VCL: variants seen among roughly 807,000 people sequenced by gnomAD.
The protein encoded by VCL is epididymis luminal protein 114.
A neutral mutation model predicts 125.7 loss-of-function variants in VCL; 47 were observed. The ratio of observed to expected loss-of-function variants is 0.37; its 90% confidence interval spans 0.30 to 0.48. VCL has a LOEUF of 0.48. VCL is among the 20% of genes least tolerant of loss of function. The pLI is 0.99. For missense variants in VCL, 1,069 were observed against 1,455.5 expected (o/e 0.73, Z 4.32); for synonymous variants, 458 against 514.6 (o/e 0.89, Z 1.49).
chr10:74,114,408 C>CGTGTGT lies in VCL; in HGVS notation c.3153+45_3153+50dup, dbSNP rs3037359. 339 of 1,452,248 alleles carry CGTGTGT rather than the reference C, an allele frequency of 2.3e-4. No individual in the cohort carries two copies. The African/African-American group carries it at 4.2e-3, about 18-fold the overall frequency. 90.0% of individuals were successfully genotyped at this position (1,452,248 alleles called of 1,614,324 possible). A position where few individuals can be genotyped will look rare whatever the true frequency, so the allele number is the denominator to read the frequency against. Reference sequence around the variant, plus strand: ...TACAGGTACTCGGGGAAAGAGGCTGCGTGTGTGTGTGTGTGTGTGTGTGTG... The same window carrying CGTGTGT: ...TACAGGTACTCGGGGAAAGAGGCTGCGTGTGTGTGTGTGTGTGTGTGTGTGTGTGTG... On this transcript the variant is annotated intron_variant, in intron 20 of 21. Transcript: ENST00000211998.
At chr10:74,115,479 A>C (rs1220963283) in intron 21 of VCL, among the ~76,000 whole-genome samples, 1 of 152,220 alleles carries the variant, frequency 6.6e-6, no homozygotes, top group African/African-American at 2.4e-5. Flanking sequence ...CAGATAGGAA[A>C]CTGAGGTCTA....
intron 13 of VCL, among the ~76,000 whole-genome samples, chr10:74,098,900 A>C (rs572424691): frequency 6.6e-6 from 1 of 152,228 alleles, no homozygotes; most frequent in East Asian, 1.9e-4. Flanking sequence ...TTACCTCAGC[A>C]TATGTTGTCC....
intron 17 of VCL, among the ~76,000 whole-genome samples, chr10:74,107,982 T>C (rs1367881487): frequency 6.6e-6 from 1 of 152,200 alleles, no homozygotes; most frequent in Non-Finnish European, 1.5e-5. Flanking sequence ...TTATTCCAAC[T>C]AACAGTATTA....
intron 3 of VCL, 56 bp from the exon 4 acceptor site, chr10:74,070,919 A>C: frequency 6.2e-7 from 1 of 1,611,338 alleles, no homozygotes; most frequent in East Asian, 2.2e-5. Flanking sequence ...CATCTGTGTT[A>C]CCGTGTTTGC....
intron 1 of VCL, among the ~76,000 whole-genome samples, chr10:74,035,188 G>A (rs1840950227): frequency 6.6e-6 from 1 of 151,658 alleles, no homozygotes; most frequent in South Asian, 2.1e-4. Flanking sequence ...CTAGCTAAGG[G>A]AGACATCTAC....
chr10:74,004,884 T>C (rs1202228551), intron 1 of VCL, among the ~76,000 whole-genome samples: 3 of 152,056 alleles, frequency 2.0e-5, no homozygotes, highest in African/African-American at 7.2e-5. Context: ...TTTGTATTTT[T>C]AGTGGACACT....
At chr10:74,114,159 A>T in intron 19 of VCL, 25 bp from the exon 20 acceptor site, 1 of 1,611,756 alleles carries the variant, frequency 6.2e-7, no homozygotes. Flanking sequence ...GGCAGAGCTC[A>T]CACTGTATCT....
At chr10:74,043,903 A>G (rs1259313082) in intron 2 of VCL, among the ~76,000 whole-genome samples, 2 of 151,368 alleles carry the variant, frequency 1.3e-5, no homozygotes. Flanking sequence ...AGGTCAGGAG[A>G]TCGAGACCAT....
At chr10:74,012,095 A>G (rs913408719) in intron 1 of VCL, among the ~76,000 whole-genome samples, 9 of 152,214 alleles carry the variant, frequency 5.9e-5, no homozygotes, top group Non-Finnish European at 7.3e-5. Flanking sequence ...GAAGAAAGAA[A>G]TGGCACAGTT....
chr10:74,087,562 G>C (rs1245527241), intron 8 of VCL, among the ~76,000 whole-genome samples: 2 of 140,654 alleles, frequency 1.4e-5, no homozygotes, highest in South Asian at 2.2e-4. Flanking sequence ...GGGTTTCAGC[G>C]TGTTAGCCAG....
rs1840368943 is a variant in VCL, at chr10:74,009,052, G to T, written c.168+10677G>T. On this transcript the variant is annotated intron_variant, in intron 1 of 21. Coordinates refer to ENST00000211998, the MANE Select transcript of VCL (RefSeq NM_014000.3). ...TGTAATAAGACTGAAAGATAGAGAAGAAATTTGATATATTGGAGGAAGGAC... is the reference window on the plus strand; with the variant it reads ...TGTAATAAGACTGAAAGATAGAGAATAAATTTGATATATTGGAGGAAGGAC... Among the ~76,000 whole-genome samples, 3 of 152,174 alleles carry T rather than the reference G, an allele frequency of 2.0e-5. No homozygotes were observed. The South Asian group carries it at 6.2e-4, about 32-fold the overall frequency.
At chr10:74,121,129 T>C (rs1840441685), downstream of VCL, 1 of 152,232 alleles carries the variant, frequency 6.6e-6, no homozygotes, top group African/African-American at 2.4e-5. Flanking sequence ...TCCAGCCTGC[T>C]TGAGTTAAGG....
intron 1 of VCL, among the ~76,000 whole-genome samples, chr10:74,021,151 T>C (rs1213079709): frequency 1.3e-5 from 2 of 152,118 alleles, no homozygotes; most frequent in African/African-American, 4.8e-5. Context: ...CCAGTGCAGA[T>C]GTCACTCTCT....
chr10:74,004,637 AT>A (rs1379648943), intron 1 of VCL, among the ~76,000 whole-genome samples: 7 of 152,168 alleles, frequency 4.6e-5, no homozygotes, highest in African/African-American at 1.7e-4. Context: ...TGAATGGCCT[AT>A]ATGAGAAGAA....
At chr10:74,022,579 A>G (rs1465297572) in intron 1 of VCL, among the ~76,000 whole-genome samples, 3 of 70,812 alleles carry the variant, frequency 4.2e-5, no homozygotes, top group Admixed American at 1.4e-4. Context: ...AATAAAGATA[A>G]ATAAATAAAT....
At chr10:74,077,511 A>T (rs1839608845) in intron 6 of VCL, 1 of 172,836 alleles carries the variant, frequency 5.8e-6, no homozygotes, top group Non-Finnish European at 1.3e-5. Context: ...GCTCTTTTTC[A>T]GTTTTGTAGC....
intron 11 of VCL, among the ~76,000 whole-genome samples, chr10:74,094,779 G>A (rs916835045): frequency 6.6e-6 from 1 of 152,006 alleles, no homozygotes; most frequent in African/African-American, 2.4e-5. Flanking sequence ...GTAAAGAATT[G>A]GCTGGGCATA....
intron 1 of VCL, among the ~76,000 whole-genome samples, chr10:74,019,071 C>T (rs1840613384): frequency 6.6e-6 from 1 of 152,016 alleles, no homozygotes; most frequent in African/African-American, 2.4e-5. Flanking sequence ...TTAAACTAGA[C>T]CCTTATGGAA....
At chr10:74,106,481 A>G (rs1373313429) in intron 16 of VCL, among the ~76,000 whole-genome samples, 8 of 151,944 alleles carry the variant, frequency 5.3e-5, no homozygotes, top group Non-Finnish European at 1.0e-4. Context: ...AATTTTGATC[A>G]TATTTTTGGT....
Sources: allele counts gnomAD v4.1 joint callset (sites outside exome capture counted in the v4.1 genomes callset), GRCh38; gene constraint gnomAD v4.1.1; transcripts MANE v1.5; gene names NCBI Gene and HGNC (gene_info 2026-07-23, HGNC 2026-07-21).